LRBA: variants seen among roughly 807,000 people sequenced by gnomAD.
LRBA encodes lipopolysaccharide-responsive and beige-like anchor protein.
In LRBA, 176 loss-of-function variants were observed where a neutral mutation model predicts 330.0. The ratio of observed to expected loss-of-function variants is 0.53; its 90% CI spans 0.47 to 0.60. The LOEUF (loss-of-function observed/expected upper bound fraction) is 0.60, where lower values mean the gene tolerates loss of function less well. LRBA is among the 20% of genes least tolerant of loss of function. The pLI is 0.00. For synonymous variants in LRBA, 1,230 were observed against 1,193.0 expected, an observed-to-expected ratio of 1.03 and a Z score of -0.64; for missense variants, 3,259 against 3,444.8, an observed-to-expected ratio of 0.95 and a Z score of 1.35.
intron 36 of LRBA, among the ~76,000 whole-genome samples, chr4:150,731,284 G>A: frequency 6.6e-6 from 1 of 152,096 alleles, no homozygotes; most frequent in East Asian, 1.9e-4. Context: ...CAATCCCACT[G>A]CTAGGTATAT....
chr4:150,798,963 A>C (rs933659140), intron 33 of LRBA, among the ~76,000 whole-genome samples: 8 of 152,168 alleles, frequency 5.3e-5, no homozygotes, highest in African/African-American at 1.9e-4. Flanking sequence ...ATCTAAAATA[A>C]TTCCTGATGG....
chr4:150,667,867 A>C (rs556865687), intron 37 of LRBA, among the ~76,000 whole-genome samples: 4 of 152,188 alleles, frequency 2.6e-5, no homozygotes, highest in Non-Finnish European at 5.9e-5. Flanking sequence ...GTGTACGGCA[A>C]TTTATTATAA....
intron 53 of LRBA, among the ~76,000 whole-genome samples, chr4:150,301,434 C>A (rs1416676531): frequency 6.6e-6 from 1 of 151,814 alleles, no homozygotes; most frequent in East Asian, 1.9e-4. Context: ...GGAAATTATC[C>A]CTTTTTTGAT....
At chr4:150,569,143 T>C (rs1194455582) in intron 40 of LRBA, among the ~76,000 whole-genome samples, 1 of 152,090 alleles carries the variant, frequency 6.6e-6, no homozygotes, top group Non-Finnish European at 1.5e-5. Context: ...CTATTATCAT[T>C]GTAGATGCAT....
At chr4:150,777,872 G>A (rs1473848445) in intron 34 of LRBA, among the ~76,000 whole-genome samples, 1 of 151,250 alleles carries the variant, frequency 6.6e-6, no homozygotes, top group Non-Finnish European at 1.5e-5. Flanking sequence ...TACTCAGGAG[G>A]CTGAGGCAGG....
chr4:150,828,761 C>G, intron 29 of LRBA, 140 bp from the exon 30 acceptor site: 1 of 679,410 alleles, frequency 1.5e-6, no homozygotes, highest in South Asian at 1.9e-5. Context: ...AAACTAATTA[C>G]GTATTCTACA....
intron 36 of LRBA, among the ~76,000 whole-genome samples, chr4:150,714,667 T>C (rs1786565836): frequency 1.3e-5 from 2 of 152,192 alleles, no homozygotes; most frequent in Admixed American, 6.6e-5. Context: ...AGAAAAATGA[T>C]ATGTGAGGTA....
rs1392618413 is a variant in LRBA, at chr4:150,852,442, C to T, written c.3268G>A (p.Ala1090Thr). The T allele has an allele frequency of 6.2e-7, 1 of 1,613,516 alleles. No homozygotes were observed. Among genetic ancestry groups the T allele is most frequent in the East Asian group, 2.2e-5 (1 of 44,866 alleles). ...TCCAAGAATTCTGGCATCTCTGAGG[C>T]ATCCTCTTCTGAAGGAGAACTTATA... ...ASISSPSEED[A>T]SEMPEFLDKS... The change falls in exon 23 of 57, where the codon GCC becomes ACC. Residue 1090 changes from alanine to threonine, a missense_variant. Transcript: ENST00000651943.
intron 44 of LRBA, among the ~76,000 whole-genome samples, chr4:150,445,188 AT>A (rs1408156367): frequency 2.6e-5 from 4 of 152,152 alleles, no homozygotes; most frequent in Admixed American, 2.0e-4. Flanking sequence ...AAGATAGGTC[AT>A]TAGTGGCATA....
intron 53 of LRBA, 138 bp from the exon 54 acceptor site, chr4:150,286,172 T>A: frequency 1.6e-6 from 1 of 639,786 alleles, no homozygotes. Flanking sequence ...ACTTTAGGAC[T>A]AGATCCAAGT....
At chr4:150,346,757 C>CAAAAAAAAAAA (rs57119340) in intron 48 of LRBA, among the ~76,000 whole-genome samples, 9 of 66,150 alleles carry the variant, frequency 1.4e-4, no homozygotes, top group African/African-American at 7.0e-4. Context: ...GACTCTGTCT[C>CAAAAAAAAAAA]AAAAAAAAAA....
chr4:150,806,776 C>G (rs920723011), intron 32 of LRBA, among the ~76,000 whole-genome samples: 1 of 151,908 alleles, frequency 6.6e-6, no homozygotes, highest in Non-Finnish European at 1.5e-5. Context: ...ACACTGAGTT[C>G]AAGAACCATG....
intron 46 of LRBA, among the ~76,000 whole-genome samples, chr4:150,416,765 G>T (rs879765196): frequency 6.6e-6 from 1 of 151,822 alleles, no homozygotes; most frequent in East Asian, 1.9e-4. Flanking sequence ...GAAAACACAG[G>T]TGTGTGTTAT....
chr4:150,775,491 ACACACAC>A (rs1560800235), intron 34 of LRBA, among the ~76,000 whole-genome samples: 2 of 126,578 alleles, frequency 1.6e-5, no homozygotes, highest in Non-Finnish European at 3.2e-5. Flanking sequence ...ACACACACAC[ACACACAC>A]ACACAGTGAT....
At chr4:150,483,253 C>T (rs1757498873) in intron 42 of LRBA, among the ~76,000 whole-genome samples, 1 of 151,730 alleles carries the variant, frequency 6.6e-6, no homozygotes, top group Non-Finnish European at 1.5e-5. Flanking sequence ...GATCATTTTC[C>T]CCCCTGGGCA....
At chr4:150,461,042 C>T (rs900443787) in intron 44 of LRBA, among the ~76,000 whole-genome samples, 2 of 151,628 alleles carry the variant, frequency 1.3e-5, no homozygotes, top group African/African-American at 2.4e-5. Flanking sequence ...TAGTTTTAAC[C>T]GAACATTCAG....
At chr4:150,667,559 T>C (rs527992498) in intron 37 of LRBA, among the ~76,000 whole-genome samples, 1 of 152,334 alleles carries the variant, frequency 6.6e-6, no homozygotes, top group East Asian at 1.9e-4. Flanking sequence ...GTGTTCTCTA[T>C]AAATTCATAT....
chr4:150,902,992 TGAAATCCTTA>T (rs1461568341), intron 13 of LRBA, among the ~76,000 whole-genome samples: 1 of 152,176 alleles, frequency 6.6e-6, no homozygotes, highest in Non-Finnish European at 1.5e-5. Context: ...AGAATTGACA[TGAAATCCTTA>T]GATAAAGGAC....
chr4:150,804,809 C>T (rs1223498718), intron 33 of LRBA, among the ~76,000 whole-genome samples: 1 of 152,062 alleles, frequency 6.6e-6, no homozygotes, highest in African/African-American at 2.4e-5. Context: ...TGTAGCTTCA[C>T]CTTAAAAAAT....
Sources: gnomAD v4.1 joint callset for allele counts (sites outside exome capture counted in the v4.1 genomes callset) on GRCh38, gnomAD v4.1.1 for gene constraint, MANE v1.5 for transcripts, NCBI Gene and HGNC (gene_info 2026-07-23, HGNC 2026-07-21) for gene names.